The following IRAK2 variants were observed in gnomAD, a reference collection of about 807,000 sequenced individuals.
IRAK2 encodes interleukin-1 receptor-associated kinase-like 2.
IRAK2 carries 57 observed loss-of-function variants against 72.0 expected under a neutral mutation model. The observed-to-expected ratio is 0.79, with a 90% confidence interval of 0.64 to 0.99. The LOEUF is 0.99. Ranked by LOEUF, IRAK2 falls within the 50% of genes least tolerant of loss-of-function variation. The pLI is 0.00. For missense variants in IRAK2, 790 were observed against 794.4 expected (o/e 0.99, Z 0.07); for synonymous variants, 293 against 312.7 (o/e 0.94, Z 0.67).
Position 10,242,240 on chromosome 3 carries a change from C to G in IRAK2, c.*12C>G. ...TCTTTGGCCCCTGATGACCGGAACA[C>G]AGCTGAGGACCCTTGTCCTCAGTTG... On this transcript the variant is annotated 3_prime_UTR_variant, in exon 13 of 13. Transcript: ENST00000256458. 1 of 1,476,764 alleles carries G rather than the reference C, an allele frequency of 6.8e-7. No individual in the cohort carries two copies. Among genetic ancestry groups the G allele is most frequent in the Non-Finnish European group, 9.4e-7 (1 of 1,060,590 alleles). The allele number at this position is 1,476,764 out of a possible 1,614,324, so 91.5% of individuals were successfully genotyped here. A position where few individuals can be genotyped will look rare whatever the true frequency, so the allele number is the denominator to read the frequency against.
At chr3:10,189,283 CG>C (rs976976259) in intron 2 of IRAK2, among the ~76,000 whole-genome samples, 20 of 151,986 alleles carry the variant, frequency 1.3e-4, no homozygotes. Flanking sequence ...CATATCTAGC[CG>C]GGGGGAGCAG....
In IRAK2 at chr3:10,239,010, C is replaced by A; in HGVS notation, c.1736C>A (p.Ala579Asp). 6.2e-7 allele frequency: 1 copy of A among 1,609,126 alleles called. No homozygotes were observed. The highest frequency in any genetic ancestry group is 8.5e-7 in the Non-Finnish European group (1 of 1,177,236). Residue 579 changes from alanine (A) to aspartate (D), a missense_variant, in exon 12 of 13, where the codon GCC becomes GAC. Ala to Asp is a moderately radical substitution (Grantham distance 126). Transcript: ENST00000256458. ...AGGGAGGCTGACTCCTCCTCTGAGG[C>A]CTGTGTTGGCCTGGAGCCTCCCCAG... Reference protein sequence around the residue: ...VGREADSSSEACVGLEPPQDV... With the variant: ...VGREADSSSEDCVGLEPPQDV...
Position 10,182,345 on chromosome 3 carries a change from C to T in IRAK2, c.277+4325C>T, listed in dbSNP as rs189880325. On this transcript the variant is annotated intron_variant, in intron 2 of 12. Coordinates refer to ENST00000256458, the MANE Select transcript of IRAK2 (RefSeq NM_001570.4). ...TCGCCCAGCCTGGAGTGCGGTGGCA[C>T]GATCTCGGCTCACTGCAAGCTCCGC... Among the ~76,000 whole-genome samples the T allele has an allele frequency of 5.2e-3, 785 of 150,856 alleles. 22 individuals carry two copies. Among genetic ancestry groups the T allele is most frequent in the South Asian group, 4.6e-3 (22 of 4,778 alleles).
At chr3:10,180,690 G>T (rs1696947520) in intron 2 of IRAK2, among the ~76,000 whole-genome samples, 1 of 152,094 alleles carries the variant, frequency 6.6e-6, no homozygotes, top group Non-Finnish European at 1.5e-5. Flanking sequence ...GTCATTGAGG[G>T]CTTCCAGGAG....
At chr3:10,241,801 CAAAAAAAAAAAA>C (rs4019566) in intron 12 of IRAK2, among the ~76,000 whole-genome samples, 2 of 83,160 alleles carry the variant, frequency 2.4e-5, no homozygotes, top group Non-Finnish European at 4.5e-5. Flanking sequence ...GACTCCATCT[CAAAAAAAAAAAA>C]AAAAAAAAAA....
At chr3:10,165,304 C>CG (rs1441152893) in intron 1 of IRAK2, among the ~76,000 whole-genome samples, 74 of 152,126 alleles carry the variant, frequency 4.9e-4, no homozygotes, top group Admixed American at 2.1e-3. Flanking sequence ...ACGGTGGGTA[C>CG]GGGGGCCCTC....
intron 2 of IRAK2, among the ~76,000 whole-genome samples, chr3:10,184,425 T>C (rs1697010638): frequency 6.6e-6 from 1 of 152,176 alleles, no homozygotes; most frequent in Non-Finnish European, 1.5e-5. Context: ...ACAAGGGAGA[T>C]AGGCCTGGGG....
At chr3:10,217,368 C>T (rs945281237) in intron 7 of IRAK2, among the ~76,000 whole-genome samples, 2 of 152,124 alleles carry the variant, frequency 1.3e-5, no homozygotes, top group Admixed American at 6.6e-5. Flanking sequence ...AATTATTTGA[C>T]GAGAAGCATT....
At chr3:10,177,614 T>C (rs1407512589) in intron 1 of IRAK2, among the ~76,000 whole-genome samples, 1 of 152,172 alleles carries the variant, frequency 6.6e-6, no homozygotes, top group African/African-American at 2.4e-5. Context: ...TCCTGTCCCG[T>C]GGTCTTTCTC....
chr3:10,181,835 C>T (rs532775118), intron 2 of IRAK2, among the ~76,000 whole-genome samples: 61 of 152,312 alleles, frequency 4.0e-4, no homozygotes, highest in African/African-American at 1.4e-3. Flanking sequence ...TATCTCAAAA[C>T]AGTTATGTAA....
chr3:10,234,655 A>G lies in IRAK2; in HGVS notation c.1469A>G (p.Gln490Arg). ...LCLRRRNTSL[Q>R]EVCGSVAAVE... is the part of the protein sequence containing the mutation. ...CTGCGGAGGCGTAACACCAGCCTGC[A>G]GGAGGTGAGCCTCGCCCGCAGCGGC... Residue 490 changes from glutamine (Q) to arginine (R), a missense_variant, in exon 11 of 13, where the codon CAG (glutamine) becomes CGG (arginine). Transcript: ENST00000256458. The G allele has an allele frequency of 6.2e-7, 1 of 1,612,030 alleles. No homozygotes were observed. Among genetic ancestry groups the G allele is most frequent in the East Asian group, 2.2e-5 (1 of 44,842 alleles).
rs1436103640 is a variant in IRAK2 at position 10,234,498 on chromosome 3, T to A, written c.1312T>A (p.Ser438Thr). 3.7e-6 allele frequency: 6 copies of A among 1,614,048 alleles called. No individual in the cohort carries two copies. The African/African-American group carries it at 8.0e-5, about 22-fold the overall frequency. Residue 438 changes from serine (S) to threonine (T), a missense_variant, in exon 11 of 13, where the codon TCG (serine) becomes ACG (threonine). Ser to Thr is a moderately conservative substitution (Grantham distance 58). Coordinates refer to ENST00000256458, the MANE Select transcript of IRAK2 (RefSeq NM_001570.4). ...CAGTGATATTCCAAGCAGCACCGCC[T>A]CGCTCTGCTCCAGGAAGACGGGCGT... ...LLSDIPSSTA[S>T]LCSRKTGVEN...
chr3:10,234,607 T>C lies in IRAK2; in HGVS notation c.1421T>C (p.Leu474Pro). Reference protein sequence around the residue: ...GRLPEDCAEALATAACLCLRR... With the variant: ...GRLPEDCAEAPATAACLCLRR... ...CTTCCGGAGGACTGCGCCGAGGCCC[T>C]GGCCACGGCTGCCTGCCTGTGCCTG... The change falls in exon 11 of 13, where the codon CTG becomes CCG. Residue 474 changes from leucine (L) to proline (P), a missense_variant. By Grantham distance (98) the Leu-to-Pro change is moderately conservative (BLOSUM62 -3). Transcript: ENST00000256458. 1 of 1,613,290 alleles carries C rather than the reference T, an allele frequency of 6.2e-7. No individual in the cohort carries two copies. Among genetic ancestry groups the C allele is most frequent in the Non-Finnish European group, 8.5e-7 (1 of 1,179,892 alleles).
chr3:10,197,721 G>A (rs1328651248), intron 2 of IRAK2, among the ~76,000 whole-genome samples: 1 of 150,518 alleles, frequency 6.6e-6, no homozygotes. Flanking sequence ...GTGTGGTGGT[G>A]GGCGCCTATA....
intron 3 of IRAK2, among the ~76,000 whole-genome samples, chr3:10,201,876 G>A (rs963999991): frequency 6.6e-6 from 1 of 152,206 alleles, no homozygotes; most frequent in Non-Finnish European, 1.5e-5. Flanking sequence ...TGTTTTGTGG[G>A]CTTTTGTATT....
At chr3:10,169,621 T>G (rs1284861257) in intron 1 of IRAK2, among the ~76,000 whole-genome samples, 1 of 152,254 alleles carries the variant, frequency 6.6e-6, no homozygotes, top group Non-Finnish European at 1.5e-5. Flanking sequence ...CCTTGTTCCC[T>G]GAACATCACT....
rs1027036001 is a variant in IRAK2, at chr3:10,208,694, C to T, written c.425-895C>T. ...AGGAGAATGGTGTGAACCCGGGAGG[C>T]GGAGCTTGCAGTGAGCCGAGATTGT... is the stretch of plus-strand genomic sequence containing the variant. On this transcript the variant is annotated intron_variant, in intron 3 of 12. Coordinates refer to ENST00000256458, the MANE Select transcript of IRAK2 (RefSeq NM_001570.4). 6.6e-5 allele frequency among the ~76,000 whole-genome samples: 10 copies of T among 150,976 alleles called. No individual in the cohort carries two copies. In the East Asian group the frequency reaches 1.4e-3, roughly 21 times the overall value.
intron 6 of IRAK2, among the ~76,000 whole-genome samples, chr3:10,215,796 C>G (rs1169124310): frequency 6.8e-6 from 1 of 146,588 alleles, no homozygotes; most frequent in African/African-American, 2.7e-5. Flanking sequence ...ACACATACAT[C>G]TAATAAAAAC....
intron 7 of IRAK2, among the ~76,000 whole-genome samples, chr3:10,217,860 T>C (rs1559449880): frequency 6.6e-6 from 1 of 152,198 alleles, no homozygotes; most frequent in Non-Finnish European, 1.5e-5. Context: ...GCACTCACTG[T>C]ATGCAGGTTG....
Sources: allele counts gnomAD v4.1 joint callset (sites outside exome capture counted in the v4.1 genomes callset), GRCh38; gene constraint gnomAD v4.1.1; transcripts MANE v1.5; gene names NCBI Gene and HGNC (gene_info 2026-07-23, HGNC 2026-07-21).